CACNB2: variants seen among roughly 807,000 people sequenced by gnomAD.
The protein encoded by CACNB2 is voltage-dependent L-type calcium channel subunit beta-2.
In CACNB2, 42 loss-of-function variants were observed where a neutral mutation model predicts 73.3. That is an observed-to-expected ratio of 0.57 (90% CI 0.45 to 0.74). The LOEUF (loss-of-function observed/expected upper bound fraction) is 0.74. Ranked by LOEUF, CACNB2 falls within the 30% of genes least tolerant of loss-of-function variation. CACNB2 has a pLI of 0.00. For synonymous variants in CACNB2, 348 were observed against 310.3 expected (o/e 1.12, Z -1.28); for missense variants, 940 against 853.0 (o/e 1.10, Z -1.27).
intron 3 of CACNB2, among the ~76,000 whole-genome samples, chr10:18,463,953 A>C (rs1032102144): frequency 6.6e-6 from 1 of 151,850 alleles, no homozygotes; most frequent in African/African-American, 2.4e-5. Flanking sequence ...TCTCCTCTTC[A>C]TGTCCAGATA....
At chr10:18,348,804 C>G (rs2041582535) in intron 2 of CACNB2, among the ~76,000 whole-genome samples, 3 of 152,050 alleles carry the variant, frequency 2.0e-5, no homozygotes, top group Non-Finnish European at 1.5e-5. Flanking sequence ...TGCCCAGATA[C>G]AAAGTTTATA....
intron 3 of CACNB2, among the ~76,000 whole-genome samples, chr10:18,437,852 T>A (rs1330194040): frequency 2.6e-5 from 4 of 152,118 alleles, no homozygotes; most frequent in African/African-American, 9.7e-5. Context: ...TATGGCTAGA[T>A]CTTTTAAAGA....
At chr10:18,534,011 C>G in intron 10 of CACNB2, 65 bp from the exon 11 acceptor site, 1 of 1,504,740 alleles carries the variant, frequency 6.6e-7, no homozygotes, top group Non-Finnish European at 9.2e-7. Flanking sequence ...GTTGAAGAAA[C>G]AGTATACCAT....
intron 2 of CACNB2, among the ~76,000 whole-genome samples, chr10:18,301,863 G>C (rs1421051987): frequency 6.6e-6 from 1 of 151,880 alleles, no homozygotes; most frequent in Non-Finnish European, 1.5e-5. Flanking sequence ...TGGCCAGGCT[G>C]GTCTCGATCT....
chr10:18,309,621 C>A (rs917100652), intron 2 of CACNB2, among the ~76,000 whole-genome samples: 22 of 152,068 alleles, frequency 1.4e-4, no homozygotes, highest in African/African-American at 4.3e-4. Flanking sequence ...CCATGCCCAG[C>A]TAATTTTTGT....
chr10:18,519,743 A>G (rs754101262), intron 9 of CACNB2: 1 of 456,044 alleles, frequency 2.2e-6, no homozygotes, highest in East Asian at 6.9e-5. Context: ...AATTGAGTGT[A>G]CTGGCTTTCC....
At chr10:18,146,128 A>G (rs933362865) in intron 1 of CACNB2, among the ~76,000 whole-genome samples, 2 of 152,142 alleles carry the variant, frequency 1.3e-5, no homozygotes, top group Non-Finnish European at 2.9e-5. Context: ...CTTCTTGCCT[A>G]GTAAAGGATC....
intron 2 of CACNB2, among the ~76,000 whole-genome samples, chr10:18,264,032 A>T (rs2037676283): frequency 6.6e-6 from 1 of 152,196 alleles, no homozygotes; most frequent in South Asian, 2.1e-4. Flanking sequence ...AAAATCTGTG[A>T]GCTGAATAAA....
At chr10:18,453,686 G>A (rs2132625955) in intron 3 of CACNB2, among the ~76,000 whole-genome samples, 1 of 152,356 alleles carries the variant, frequency 6.6e-6, no homozygotes, top group Non-Finnish European at 1.5e-5. Flanking sequence ...CTGGAGTGCA[G>A]TGGCGCGATC....
At chr10:18,248,443 AGT>A (rs1219422176) in intron 2 of CACNB2, among the ~76,000 whole-genome samples, 7 of 152,196 alleles carry the variant, frequency 4.6e-5, no homozygotes, top group African/African-American at 1.4e-4. Flanking sequence ...AATCTCCCCA[AGT>A]TCTACTATTT....
At chr10:18,473,462 C>T (rs1057125738) in intron 3 of CACNB2, among the ~76,000 whole-genome samples, 5 of 152,204 alleles carry the variant, frequency 3.3e-5, no homozygotes, top group Admixed American at 2.6e-4. Context: ...CTTGCTCCTT[C>T]CCTTACTGAA....
At chr10:18,464,098 C>T (rs1219211877) in intron 3 of CACNB2, among the ~76,000 whole-genome samples, 1 of 152,064 alleles carries the variant, frequency 6.6e-6, no homozygotes, top group African/African-American at 2.4e-5. Context: ...CTACCTCCAA[C>T]TTGACATGTT....
At chr10:18,249,292 C>T (rs1221243230) in intron 2 of CACNB2, among the ~76,000 whole-genome samples, 1 of 152,212 alleles carries the variant, frequency 6.6e-6, no homozygotes, top group Non-Finnish European at 1.5e-5. Context: ...GTTCCAGCCC[C>T]TTGGCCCAAC....
intron 2 of CACNB2, chr10:18,260,964 A>G (rs1215982092): frequency 1.2e-5 from 16 of 1,311,766 alleles, no homozygotes; most frequent in Non-Finnish European, 1.6e-5. Context: ...TGTTAGCAAT[A>G]CTTACTTCCG....
chr10:18,220,654 G>A (rs141819461), intron 2 of CACNB2, among the ~76,000 whole-genome samples: 6 of 152,184 alleles, frequency 3.9e-5, no homozygotes, highest in South Asian at 2.1e-4. Flanking sequence ...GAACCAGGCC[G>A]CCCAGCAGTA....
chr10:18,347,567 T>C (rs1266091550), intron 2 of CACNB2, among the ~76,000 whole-genome samples: 4 of 144,342 alleles, frequency 2.8e-5, no homozygotes, highest in African/African-American at 5.1e-5. Flanking sequence ...CTTTTTTTTT[T>C]CCCCCTATAC....
chr10:18,384,350 C>T (rs927772121), intron 2 of CACNB2, among the ~76,000 whole-genome samples: 4 of 152,074 alleles, frequency 2.6e-5, no homozygotes, highest in African/African-American at 7.2e-5. Flanking sequence ...CCACAGAAAT[C>T]GAGAGTGGAG....
intron 2 of CACNB2, among the ~76,000 whole-genome samples, chr10:18,363,962 T>C (rs2042243876): frequency 6.6e-6 from 1 of 151,794 alleles, no homozygotes; most frequent in Non-Finnish European, 1.5e-5. Flanking sequence ...TTTTTTTTTT[T>C]TTTTTAGATG....
chr10:18,423,819 T>C (rs928912300), intron 3 of CACNB2, among the ~76,000 whole-genome samples: 5 of 152,300 alleles, frequency 3.3e-5, no homozygotes, highest in Admixed American at 2.6e-4. Flanking sequence ...TAAAATGCAA[T>C]GACATGACCT....
Sources: allele counts gnomAD v4.1 joint callset (sites outside exome capture counted in the v4.1 genomes callset), GRCh38; gene constraint gnomAD v4.1.1; transcripts MANE v1.5; gene names NCBI Gene and HGNC (gene_info 2026-07-23, HGNC 2026-07-21).